CAMTA1: variants seen among roughly 807,000 people sequenced by gnomAD.
CAMTA1 encodes the protein calmodulin-binding transcription activator 1.
In CAMTA1, 27 loss-of-function variants were observed where a neutral mutation model predicts 170.9. The ratio of observed to expected loss-of-function variants is 0.16; its 90% CI spans 0.12 to 0.22. The LOEUF (loss-of-function observed/expected upper bound fraction) is 0.22, where lower values mean the gene tolerates loss of function less well. CAMTA1 is among the 10% of genes least tolerant of loss of function. The pLI is 1.00. For synonymous variants in CAMTA1, 833 were observed against 891.5 expected, an observed-to-expected ratio of 0.93 and a Z score of 1.17; for missense variants, 1,619 against 2,217.2, an observed-to-expected ratio of 0.73 and a Z score of 5.42.
At chr1:7,310,604 C>CT (rs200558324) in intron 5 of CAMTA1, among the ~76,000 whole-genome samples, 471 of 9,356 alleles carry the variant, frequency 0.05, 7 homozygotes, top group East Asian at 0.23. Flanking sequence ...CTTTTCTTTT[C>CT]TTTCTTTCTT....
At chr1:7,259,188 C>T (rs1363582124) in intron 5 of CAMTA1, among the ~76,000 whole-genome samples, 3 of 152,128 alleles carry the variant, frequency 2.0e-5, no homozygotes, top group Admixed American at 1.3e-4. Context: ...ACTGCAAGGC[C>T]GGAGTGGAAG....
At position 7,732,332 on chromosome 1, in the gene CAMTA1, G is replaced by A; in HGVS notation, c.2915-116G>A. 1 of 822,126 alleles carries A rather than the reference G, an allele frequency of 1.2e-6. No homozygotes were observed. The highest frequency in any genetic ancestry group is 2.0e-6 in the Non-Finnish European group (1 of 491,824). The allele number at this position is 822,126 out of a possible 1,614,324, so 50.9% of individuals were successfully genotyped here. On this transcript the variant is annotated intron_variant, in intron 11 of 22. Transcript: ENST00000303635. This position sits in a 1 kb window ranked among gnomAD's most constrained non-coding sequence, Gnocchi z 4.1. Reference sequence around the variant, plus strand: ...AACTCTGGCTGGCGGAGACCTCTCTGGTTTGGTGAAGTTACGGACGGCATT... The same window carrying A: ...AACTCTGGCTGGCGGAGACCTCTCTAGTTTGGTGAAGTTACGGACGGCATT...
intron 6 of CAMTA1, among the ~76,000 whole-genome samples, chr1:7,496,822 G>C (rs12021778): frequency 0.098 from 14,832 of 151,710 alleles, 1,059 homozygotes; most frequent in East Asian, 0.2. Flanking sequence ...CAGGGAAGGA[G>C]GCCTCCCAGG....
At chr1:7,100,944 G>C (rs72640087) in intron 4 of CAMTA1, among the ~76,000 whole-genome samples, 9,983 of 152,266 alleles carry the variant, frequency 0.066, 458 homozygotes, top group Admixed American at 0.15. Context: ...GGGTGCCTGT[G>C]ATGCACGTTG....
intron 4 of CAMTA1, among the ~76,000 whole-genome samples, chr1:7,213,933 T>C (rs1263751482): frequency 6.6e-6 from 1 of 152,226 alleles, no homozygotes; most frequent in African/African-American, 2.4e-5. Context: ...ACAAAGGACA[T>C]GAACTCATCA....
chr1:7,610,917 G>C (rs527372381), intron 6 of CAMTA1, among the ~76,000 whole-genome samples: 1 of 152,358 alleles, frequency 6.6e-6, no homozygotes, highest in South Asian at 2.1e-4. Flanking sequence ...CCCAGTCCTG[G>C]TAACTACGGG....
intron 11 of CAMTA1, among the ~76,000 whole-genome samples, chr1:7,689,897 C>A (rs1041298647): frequency 3.3e-5 from 5 of 152,182 alleles, no homozygotes; most frequent in Non-Finnish European, 7.3e-5. Context: ...GTGGCTCGTG[C>A]CTGTAATCCC....
intron 1 of CAMTA1, among the ~76,000 whole-genome samples, chr1:6,811,170 A>C (rs1038712612): frequency 4.6e-5 from 7 of 152,234 alleles, no homozygotes; most frequent in African/African-American, 1.7e-4. Context: ...ATTCCTGGCC[A>C]GTGGAGGTAT....
intron 5 of CAMTA1, among the ~76,000 whole-genome samples, chr1:7,258,325 A>T (rs780399338): frequency 6.6e-6 from 1 of 152,214 alleles, no homozygotes; most frequent in South Asian, 2.1e-4. Context: ...AAACTCCCTG[A>T]TGAAGGTAGA....
At chr1:7,763,310 G>A (rs2096990230) in intron 22 of CAMTA1, among the ~76,000 whole-genome samples, 1 of 151,846 alleles carries the variant, frequency 6.6e-6, no homozygotes, top group Non-Finnish European at 1.5e-5. Context: ...TGCCATTTAA[G>A]TCATTTTGAT....
intron 3 of CAMTA1, among the ~76,000 whole-genome samples, chr1:7,053,405 T>C (rs1572714890): frequency 6.6e-6 from 1 of 152,174 alleles, no homozygotes; most frequent in Non-Finnish European, 1.5e-5. Context: ...GGCAGCCCCC[T>C]CTCTGGTCTC....
rs914525630 is a variant in CAMTA1, at chr1:7,561,616, G to T, written c.511-78784G>T. On this transcript the variant is annotated intron_variant, in intron 6 of 22. Transcript: ENST00000303635. The surrounding 1 kb of genome is among the most constrained non-coding windows in gnomAD (Gnocchi z 5.3). ...GTGGGCGGCTTGCGCAGCACCCTCT[G>T]CAGGCAGAGCTGGTTACATGCAGCA... Among the ~76,000 whole-genome samples the T allele has an allele frequency of 1.4e-4, 22 of 152,026 alleles. No homozygotes were observed. The highest frequency in any genetic ancestry group is 4.6e-4 in the African/African-American group (19 of 41,394).
chr1:7,751,442 C>G (rs1014588403), intron 20 of CAMTA1, 50 bp downstream of exon 20: 1 of 1,477,038 alleles, frequency 6.8e-7, no homozygotes, highest in Admixed American at 2.4e-5. Flanking sequence ...GAAGAGAACT[C>G]TGACTTCTTT....
At chr1:7,499,506 GGTGTGC>G (rs2093934201) in intron 6 of CAMTA1, among the ~76,000 whole-genome samples, 1 of 133,962 alleles carries the variant, frequency 7.5e-6, no homozygotes, top group Admixed American at 7.4e-5. Flanking sequence ...GTGTGAGCCT[GGTGTGC>G]ATGTGTATGT....
chr1:7,053,502 A>T (rs1369347059), intron 3 of CAMTA1, among the ~76,000 whole-genome samples: 1 of 152,186 alleles, frequency 6.6e-6, no homozygotes, highest in Non-Finnish European at 1.5e-5. Flanking sequence ...GCGTCAGATC[A>T]TGGCACGTCT....
chr1:6,838,132 C>A (rs1164768582), intron 3 of CAMTA1, among the ~76,000 whole-genome samples: 5 of 152,158 alleles, frequency 3.3e-5, no homozygotes, highest in Admixed American at 6.5e-5. Context: ...CTTCTGTCAA[C>A]AAATATCATT....
chr1:6,832,980 G>C (rs555976836), intron 3 of CAMTA1, among the ~76,000 whole-genome samples: 3 of 152,294 alleles, frequency 2.0e-5, no homozygotes, highest in Admixed American at 1.3e-4. Flanking sequence ...GTAGGCACAA[G>C]CCTGGAGATC....
intron 5 of CAMTA1, among the ~76,000 whole-genome samples, chr1:7,334,603 C>T (rs572580651): frequency 2.0e-5 from 3 of 152,188 alleles, no homozygotes; most frequent in Admixed American, 6.5e-5. Context: ...TCATCTCCCC[C>T]GGGGGATGTC....
chr1:6,909,387 A>G (rs1557808782), intron 3 of CAMTA1, among the ~76,000 whole-genome samples: 1 of 152,268 alleles, frequency 6.6e-6, no homozygotes, highest in Non-Finnish European at 1.5e-5. Flanking sequence ...ATGACAAAGA[A>G]GTGCTTCTGG....
Sources: allele counts gnomAD v4.1 joint callset (sites outside exome capture counted in the v4.1 genomes callset), GRCh38; gene constraint gnomAD v4.1.1; non-coding constraint Gnocchi (gnomAD v3.1); transcripts MANE v1.5; gene names NCBI Gene and HGNC (gene_info 2026-07-23, HGNC 2026-07-21).